The following SDHAF4 variants were observed in gnomAD, a reference collection of about 807,000 sequenced individuals.
The protein encoded by SDHAF4 is succinate dehydrogenase complex assembly factor 4.
SDHAF4 carries 14 observed loss-of-function variants against 14.3 expected under a neutral mutation model. The observed-to-expected ratio is 0.98, with a 90% CI of 0.65 to 1.53. The LOEUF (loss-of-function observed/expected upper bound fraction) is 1.53, where lower values mean the gene tolerates loss of function less well. Among genes scored for constraint, SDHAF4 ranks in the 40% most tolerant of loss-of-function variants. The probability of loss-of-function intolerance (pLI) is 0.00; values close to 1 mark genes in which losing one functional copy is unlikely to be tolerated. For missense variants in SDHAF4, 141 were observed against 129.3 expected (o/e 1.09, Z -0.44); for synonymous variants, 63 against 47.3 (o/e 1.33, Z -1.36).
At chr6:70,568,148 G>A (rs1802129341) in intron 1 of SDHAF4, among the ~76,000 whole-genome samples, 1 of 152,058 alleles carries the variant, frequency 6.6e-6, no homozygotes, top group African/African-American at 2.4e-5. Context: ...GTTTTAAATA[G>A]TCCAGAAATG....
At chr6:70,582,538 A>C (rs973028637) in intron 2 of SDHAF4, among the ~76,000 whole-genome samples, 1 of 152,036 alleles carries the variant, frequency 6.6e-6, no homozygotes, top group African/African-American at 2.4e-5. Flanking sequence ...TCGTGTACCC[A>C]TTGTTCCAAC....
chr6:70,593,955 A>G (rs149964309), downstream of SDHAF4, among the ~76,000 whole-genome samples: 1,825 of 152,206 alleles, frequency 0.012, 26 homozygotes, highest in African/African-American at 0.041. Flanking sequence ...TCAGCCTCCC[A>G]AAGTGCTGGA....
At chr6:70,584,411 A>T (rs935188896) in intron 2 of SDHAF4, among the ~76,000 whole-genome samples, 1 of 151,494 alleles carries the variant, frequency 6.6e-6, no homozygotes, top group Non-Finnish European at 1.5e-5. Context: ...TCCTCTCCCC[A>T]CCTCCTCCCA....
chr6:70,574,822 G>T (rs932619003), intron 1 of SDHAF4, among the ~76,000 whole-genome samples: 1 of 152,158 alleles, frequency 6.6e-6, no homozygotes, highest in African/African-American at 2.4e-5. Context: ...CAGCTGCTGA[G>T]GAGGCTGAGG....
intron 1 of SDHAF4, 41 bp downstream of exon 1, chr6:70,567,045 G>T: frequency 6.5e-7 from 1 of 1,537,776 alleles, no homozygotes; most frequent in South Asian, 1.2e-5. Flanking sequence ...GGGAGGGGTC[G>T]TGAAGGCCCA....
At chr6:70,567,264 G>C (rs1226895049) in intron 1 of SDHAF4, among the ~76,000 whole-genome samples, 2 of 152,200 alleles carry the variant, frequency 1.3e-5, no homozygotes, top group Non-Finnish European at 2.9e-5. Context: ...CCGAGCACGC[G>C]GTGGCCCAAC....
At chr6:70,569,850 T>G (rs2128533419) in intron 1 of SDHAF4, among the ~76,000 whole-genome samples, 1 of 152,342 alleles carries the variant, frequency 6.6e-6, no homozygotes, top group East Asian at 1.9e-4. Context: ...CTCTTATATT[T>G]TCTTCTCAAA....
At chr6:70,597,607 A>G in the SDHAF4 span, among the ~76,000 whole-genome samples, 1 of 152,178 alleles carries the variant, frequency 6.6e-6, no homozygotes, top group African/African-American at 2.4e-5. Flanking sequence ...CACGCCAAAC[A>G]AACCAAAGGG....
At chr6:70,572,904 A>G (rs2128533948) in intron 1 of SDHAF4, among the ~76,000 whole-genome samples, 1 of 152,338 alleles carries the variant, frequency 6.6e-6, no homozygotes, top group Middle Eastern at 3.4e-3. Flanking sequence ...GATAAACATA[A>G]AGACTTTTGT....
the SDHAF4 span, among the ~76,000 whole-genome samples, chr6:70,598,321 G>C: frequency 6.6e-6 from 1 of 152,212 alleles, no homozygotes; most frequent in African/African-American, 2.4e-5. Flanking sequence ...AGAGGTTGCA[G>C]TGAGCTGAGG....
rs767783630 is a variant in SDHAF4, at chr6:70,566,938, G to T, written c.-3G>T. Reference sequence around the variant, plus strand: ...CTGCGCGGAGGCTCGGGGAGTCGGCGCCATGACCCCATCGAGGCTTCCCTG... The same window carrying T: ...CTGCGCGGAGGCTCGGGGAGTCGGCTCCATGACCCCATCGAGGCTTCCCTG... On this transcript the variant is annotated 5_prime_UTR_variant, in exon 1 of 3. Transcript: ENST00000370474. The T allele has an allele frequency of 2.5e-5, 39 of 1,579,546 alleles. No homozygotes were observed. The highest frequency in any genetic ancestry group is 5.4e-5 in the African/African-American group (4 of 74,204).
chr6:70,587,063 C>A (rs1299538886), intron 2 of SDHAF4, among the ~76,000 whole-genome samples: 1 of 151,864 alleles, frequency 6.6e-6, no homozygotes, highest in African/African-American at 2.4e-5. Context: ...CCCAGCTACT[C>A]GAGAGGCTGA....
At chr6:70,579,637 T>A in intron 2 of SDHAF4, 71 bp downstream of exon 2, 1 of 1,311,598 alleles carries the variant, frequency 7.6e-7, no homozygotes, top group Non-Finnish European at 1.0e-6. Flanking sequence ...AGAAAATGAG[T>A]GAAAGGAAAG....
intron 1 of SDHAF4, among the ~76,000 whole-genome samples, chr6:70,571,820 T>A (rs2128533736): frequency 6.6e-6 from 1 of 152,262 alleles, no homozygotes; most frequent in South Asian, 2.1e-4. Flanking sequence ...CTATAATGGT[T>A]ATTATTATAT....
chr6:70,587,094 C>T (rs1036841825), intron 2 of SDHAF4, among the ~76,000 whole-genome samples: 3 of 151,574 alleles, frequency 2.0e-5, no homozygotes, highest in Non-Finnish European at 2.9e-5. Context: ...TCACTTGAAC[C>T]CTGGAGGCGG....
At chr6:70,570,003 C>T (rs1269848079) in intron 1 of SDHAF4, among the ~76,000 whole-genome samples, 1 of 152,000 alleles carries the variant, frequency 6.6e-6, no homozygotes. Flanking sequence ...AGGACCTTTC[C>T]CCTACTGATA....
At chr6:70,570,853 A>G (rs575020385) in intron 1 of SDHAF4, among the ~76,000 whole-genome samples, 2 of 152,264 alleles carry the variant, frequency 1.3e-5, no homozygotes, top group South Asian at 4.1e-4. Flanking sequence ...AGTTCTAGCT[A>G]TCTCCCAAAT....
chr6:70,575,726 T>TGA (rs60738760), intron 1 of SDHAF4, among the ~76,000 whole-genome samples: 1 of 150,998 alleles, frequency 6.6e-6, no homozygotes, highest in Admixed American at 6.6e-5. Context: ...TGTGTGTGTG[T>TGA]GAGAGAGAGA....
At chr6:70,581,784 T>A (rs190708389) in intron 2 of SDHAF4, among the ~76,000 whole-genome samples, 27 of 152,194 alleles carry the variant, frequency 1.8e-4, no homozygotes, top group Admixed American at 6.6e-4. Flanking sequence ...ATTTAAAAAA[T>A]TTTTTTGTAG....
Sources: gnomAD v4.1 joint callset for allele counts (sites outside exome capture counted in the v4.1 genomes callset) on GRCh38, gnomAD v4.1.1 for gene constraint, MANE v1.5 for transcripts, NCBI Gene and HGNC (gene_info 2026-07-23, HGNC 2026-07-21) for gene names.